Variants in CAMLG observed in about 807,000 individuals in gnomAD.
CAMLG encodes the protein guided entry of tail-anchored proteins factor CAMLG.
A neutral mutation model predicts 28.9 loss-of-function variants in CAMLG; 23 were observed. The observed-to-expected ratio is 0.80, with a 90% CI of 0.57 to 1.13. The LOEUF is 1.13. Among genes scored for constraint, CAMLG ranks in the 50% most tolerant of loss-of-function variants. The probability of loss-of-function intolerance (pLI) is 0.00; values close to 1 mark genes in which losing one functional copy is unlikely to be tolerated. For missense variants in CAMLG, 367 were observed against 371.9 expected, an observed-to-expected ratio of 0.99 and a Z score of 0.11; for synonymous variants, 141 against 146.5, an observed-to-expected ratio of 0.96 and a Z score of 0.27.
At chr5:134,747,744 C>T (rs1452184966) in intron 3 of CAMLG, among the ~76,000 whole-genome samples, 7 of 151,610 alleles carry the variant, frequency 4.6e-5, no homozygotes, top group African/African-American at 7.3e-5. Context: ...CAGGTTCAAG[C>T]GATTCTTCCA....
intron 2 of CAMLG, 78 bp downstream of exon 2, chr5:134,741,601 T>C (rs529047080): frequency 2.0e-4 from 181 of 883,990 alleles, no homozygotes; most frequent in Non-Finnish European, 2.9e-4. Context: ...CTTTTGATCA[T>C]AGAAGTCATT....
At chr5:134,743,767 G>A (rs929783097) in intron 2 of CAMLG, among the ~76,000 whole-genome samples, 10 of 152,022 alleles carry the variant, frequency 6.6e-5, no homozygotes, top group African/African-American at 2.2e-4. Flanking sequence ...TCAGAAGGCT[G>A]AGGCACGAGC....
chr5:134,742,980 C>T (rs976745120), intron 2 of CAMLG, among the ~76,000 whole-genome samples: 1 of 152,144 alleles, frequency 6.6e-6, no homozygotes, highest in Non-Finnish European at 1.5e-5. Flanking sequence ...CCTCATGATC[C>T]ACCCAACTCT....
chr5:134,750,645 A>G, intron 3 of CAMLG, 114 bp from the exon 4 acceptor site: 1 of 652,994 alleles, frequency 1.5e-6, no homozygotes. Context: ...TTGAAACATC[A>G]TTAACAGTTT....
intron 2 of CAMLG, 84 bp downstream of exon 2, chr5:134,741,607 T>C: frequency 1.2e-6 from 1 of 833,118 alleles, no homozygotes; most frequent in Non-Finnish European, 1.9e-6. Context: ...ATCATAGAAG[T>C]CATTGCCAGT....
At chr5:134,741,037 T>G (rs1484358442) in intron 1 of CAMLG, 26 bp from the exon 2 acceptor site, 1 of 1,527,262 alleles carries the variant, frequency 6.5e-7, no homozygotes, top group African/African-American at 1.4e-5. Flanking sequence ...AATAAATACA[T>G]AAGGCTTTTA....
chr5:134,740,351 T>C (rs765652051), intron 1 of CAMLG, among the ~76,000 whole-genome samples: 16 of 152,282 alleles, frequency 1.1e-4, no homozygotes, highest in East Asian at 3.9e-4. Flanking sequence ...TTTTAAAATA[T>C]AGATTTTAAA....
intron 3 of CAMLG, among the ~76,000 whole-genome samples, chr5:134,745,061 T>C (rs1007332658): frequency 1.3e-5 from 2 of 152,246 alleles, no homozygotes; most frequent in African/African-American, 4.8e-5. Flanking sequence ...GAAGCATTTG[T>C]ATTTTTGAAG....
intron 3 of CAMLG, among the ~76,000 whole-genome samples, chr5:134,745,413 T>C (rs1580756457): frequency 7.9e-6 from 1 of 126,446 alleles, no homozygotes. Flanking sequence ...TCCAGCAGCC[T>C]GGGCGACAGA....
intron 1 of CAMLG, 52 bp downstream of exon 1, chr5:134,738,844 G>C: frequency 2.6e-6 from 4 of 1,558,522 alleles, no homozygotes; most frequent in African/African-American, 1.4e-5. Flanking sequence ...TGAATCTTCA[G>C]GGTCATTCTT....
At chr5:134,744,527 CA>C (rs751658223) in intron 3 of CAMLG, among the ~76,000 whole-genome samples, 1,308 of 60,608 alleles carry the variant, frequency 0.022, 6 homozygotes, top group African/African-American at 0.062. Context: ...ACTCTGTCTC[CA>C]AAAAAAAAAA....
intron 3 of CAMLG, among the ~76,000 whole-genome samples, chr5:134,744,383 G>T (rs1033671773): frequency 2.6e-5 from 4 of 152,040 alleles, no homozygotes; most frequent in Admixed American, 6.6e-5. Flanking sequence ...AATTAGCCAG[G>T]TATGGTGACG....
At chr5:134,750,537 C>CAA (rs750026162) in intron 3 of CAMLG, among the ~76,000 whole-genome samples, 2 of 122,368 alleles carry the variant, frequency 1.6e-5, no homozygotes, top group African/African-American at 3.1e-5. Flanking sequence ...GACTCCATCT[C>CAA]AAAAAAAAAA....
At chr5:134,743,273 A>C (rs967390664) in intron 2 of CAMLG, among the ~76,000 whole-genome samples, 2 of 152,190 alleles carry the variant, frequency 1.3e-5, no homozygotes, top group African/African-American at 4.8e-5. Flanking sequence ...AACATCTGTC[A>C]CCATTTAATA....
chr5:134,744,576 A>G (rs929487182), intron 3 of CAMLG, among the ~76,000 whole-genome samples: 1 of 151,760 alleles, frequency 6.6e-6, no homozygotes, highest in Non-Finnish European at 1.5e-5. Flanking sequence ...TAGCAATTTG[A>G]CATTGCCATA....
Position 134,738,714 on chromosome 5 carries a change from C to T in CAMLG, c.94C>T (p.Arg32Cys), listed in dbSNP as rs1389406128. 1 of 1,613,970 alleles carries T rather than the reference C, an allele frequency of 6.2e-7. No individual in the cohort carries two copies. Among genetic ancestry groups the T allele is most frequent in the Non-Finnish European group, 8.5e-7 (1 of 1,179,936 alleles). ...LSASQRRAEL[R>C]RRKLLMNSEQ... ...GGCTTCCCAGCGTCGGGCGGAGCTG[C>T]GTCGGAGAAAGCTGCTCATGAACTC... Residue 32 changes from arginine to cysteine, a missense_variant, in exon 1 of 4, where the codon CGT (arginine) becomes TGT (cysteine). By Grantham distance (180) the Arg-to-Cys change is radical. Coordinates refer to ENST00000297156, the MANE Select transcript of CAMLG (RefSeq NM_001745.4).
At chr5:134,743,870 A>T (rs1753014016) in intron 2 of CAMLG, 117 bp from the exon 3 acceptor site, 1 of 598,516 alleles carries the variant, frequency 1.7e-6, no homozygotes, top group South Asian at 2.0e-5. Context: ...GTCTCAAAAA[A>T]TAATAATAAC....
chr5:134,741,328 G>C lies in CAMLG; in HGVS notation c.438G>C (p.Arg146Ser), dbSNP rs1299548031. The C allele has an allele frequency of 1.2e-6, 2 of 1,614,196 alleles. No homozygotes were observed. The highest frequency in any genetic ancestry group is 3.3e-5 in the Admixed American group (2 of 60,016). ...RGDLTADSVQ[R>S]GSRHGLEQYL... Reference sequence around the variant, plus strand: ...ACCTGACAGCGGACTCGGTCCAGAGGGGTTCCCGCCATGGCCTAGAGCAGT... The same window carrying C: ...ACCTGACAGCGGACTCGGTCCAGAGCGGTTCCCGCCATGGCCTAGAGCAGT... The change falls in exon 2 of 4, where the codon AGG becomes AGC. Residue 146 changes from arginine (R) to serine (S), a missense_variant. By Grantham distance (110) the Arg-to-Ser change is moderately radical (BLOSUM62 -1). Transcript: ENST00000297156.
chr5:134,750,795 G>A lies in CAMLG; in HGVS notation c.736G>A (p.Ala246Thr). 4.3e-6 allele frequency: 7 copies of A among 1,613,744 alleles called. No homozygotes were observed. Among genetic ancestry groups the A allele is most frequent in the Non-Finnish European group, 5.1e-6 (6 of 1,179,654 alleles). The change falls in exon 4 of 4, where the codon GCA becomes ACA. Residue 246 changes from alanine to threonine, a missense_variant. Physicochemically the swap from Ala to Thr is moderately conservative, Grantham distance 58 (BLOSUM62 0). Coordinates refer to ENST00000297156, the MANE Select transcript of CAMLG (RefSeq NM_001745.4). Reference sequence around the variant, plus strand: ...GATAAAGACAACAGTACTAACAGCTGCACTTCTATTGTCGGGAATTCCTGC... The same window carrying A: ...GATAAAGACAACAGTACTAACAGCTACACTTCTATTGTCGGGAATTCCTGC... ...KKIKTTVLTA[A>T]LLLSGIPAEV...
Sources: gnomAD v4.1 joint callset for allele counts (sites outside exome capture counted in the v4.1 genomes callset) on GRCh38, gnomAD v4.1.1 for gene constraint, MANE v1.5 for transcripts, NCBI Gene and HGNC (gene_info 2026-07-23, HGNC 2026-07-21) for gene names.